The following NRG1 variants were observed in gnomAD, a reference collection of about 807,000 sequenced individuals.
NRG1 encodes the protein pro-neuregulin-1, membrane-bound isoform.
NRG1 carries 18 observed loss-of-function variants against 63.8 expected under a neutral mutation model. That is an observed-to-expected ratio of 0.28 (90% CI 0.19 to 0.42). The LOEUF is 0.42. Ranked by LOEUF, NRG1 falls within the 10% of genes least tolerant of loss-of-function variation. The probability of loss-of-function intolerance (pLI) is 1.00; values close to 1 mark genes in which losing one functional copy is unlikely to be tolerated. For synonymous variants in NRG1, 302 were observed against 301.3 expected, an observed-to-expected ratio of 1.00 and a Z score of -0.02; for missense variants, 762 against 814.7, an observed-to-expected ratio of 0.94 and a Z score of 0.79.
intron 1 of NRG1, among the ~76,000 whole-genome samples, chr8:32,499,147 C>T (rs1827564219): frequency 6.6e-6 from 1 of 152,174 alleles, no homozygotes; most frequent in African/African-American, 2.4e-5. Context: ...TCTCACTAAA[C>T]CAGGCTCCTA....
chr8:32,089,846 TTTCATTTTCATAATACTTTTTGAGAC>T (rs1439327791), intron 1 of NRG1, among the ~76,000 whole-genome samples: 2 of 152,216 alleles, frequency 1.3e-5, no homozygotes, highest in East Asian at 3.8e-4. Flanking sequence ...GCTTCACAGA[TTTCATTTTCATAATACTTTTTGAGAC>T]TAAAGGAAAT....
chr8:31,848,818 G>T (rs1432833317), intron 1 of NRG1, among the ~76,000 whole-genome samples: 1 of 152,112 alleles, frequency 6.6e-6, no homozygotes, highest in Non-Finnish European at 1.5e-5. Flanking sequence ...CAAGCTCAGG[G>T]CTCCCACTGA....
intron 1 of NRG1, among the ~76,000 whole-genome samples, chr8:31,964,766 T>G (rs989398310): frequency 1.3e-5 from 2 of 152,184 alleles, no homozygotes; most frequent in Non-Finnish European, 2.9e-5. Flanking sequence ...TTTTATTCCC[T>G]GCAAGCTACG....
At chr8:31,812,954 C>G (rs1483701041) in intron 1 of NRG1, among the ~76,000 whole-genome samples, 2 of 152,108 alleles carry the variant, frequency 1.3e-5, no homozygotes, top group African/African-American at 4.8e-5. Context: ...CTGAAGCTAC[C>G]TGGTGGAAAC....
chr8:31,776,329 C>T (rs1819132133), intron 1 of NRG1, among the ~76,000 whole-genome samples: 1 of 152,190 alleles, frequency 6.6e-6, no homozygotes, highest in African/African-American at 2.4e-5. Context: ...GAGATGGCTC[C>T]TTGGGTTTCT....
chr8:32,188,851 C>T (rs1842213815), intron 1 of NRG1, among the ~76,000 whole-genome samples: 1 of 151,782 alleles, frequency 6.6e-6, no homozygotes, highest in East Asian at 1.9e-4. Flanking sequence ...AGGAGATATA[C>T]CTAATGCTAA....
rs532286255 is a variant in NRG1 at position 31,680,724 on chromosome 8, C to T, written c.37+41293C>T. On this transcript the variant is annotated intron_variant, in intron 1 of 10. Coordinates refer to the NRG1 transcript ENST00000519301. Reference sequence around the variant, plus strand: ...CCCTGAGGAATCGCCACACTGACTTCCACAATGGTTGAACTACTTTACAGT... The same window carrying T: ...CCCTGAGGAATCGCCACACTGACTTTCACAATGGTTGAACTACTTTACAGT... Among the ~76,000 whole-genome samples, 7 of 152,034 alleles carry T rather than the reference C, an allele frequency of 4.6e-5. No individual in the cohort carries two copies. The South Asian group carries it at 1.2e-3, about 27-fold the overall frequency.
At chr8:32,547,590 A>AACACACACACAC (rs33943729), upstream of NRG1, among the ~76,000 whole-genome samples, 153 of 148,488 alleles carry the variant, frequency 1.0e-3, no homozygotes, top group African/African-American at 1.7e-3. Context: ...GCACTTACTA[A>AACACACACACAC]ACACACACAC....
Position 32,041,375 on chromosome 8 carries a change from A to AATAC in NRG1, c.37+401946_37+401949dup, listed in dbSNP as rs746561888. 3.3e-5 allele frequency among the ~76,000 whole-genome samples: 5 copies of AATAC among 152,336 alleles called. No individual in the cohort carries two copies. In the East Asian group the frequency reaches 9.6e-4, roughly 29 times the overall value. Reference sequence around the variant, plus strand: ...ATACTGTGCCCTGTCTGTCCTACTGAATACAACTATCAAACCTGGACAAAA... The same window carrying AATAC: ...ATACTGTGCCCTGTCTGTCCTACTGAATACATACAACTATCAAACCTGGACAAAA... On this transcript the variant is annotated intron_variant, in intron 1 of 10. Transcript: ENST00000519301.
At chr8:32,388,016 TCTAATG>T (rs1811236417) in intron 1 of NRG1, among the ~76,000 whole-genome samples, 1 of 152,192 alleles carries the variant, frequency 6.6e-6, no homozygotes, top group South Asian at 2.1e-4. Context: ...GGATGAGGAT[TCTAATG>T]CCCAGGTGAC....
At chr8:31,668,762 G>C (rs1485356222) in intron 1 of NRG1, among the ~76,000 whole-genome samples, 2 of 152,160 alleles carry the variant, frequency 1.3e-5, no homozygotes, top group Non-Finnish European at 2.9e-5. Flanking sequence ...ACAGTTCCTG[G>C]CATAATGTAC....
intron 1 of NRG1, among the ~76,000 whole-genome samples, chr8:32,402,563 G>C (rs1215785416): frequency 6.6e-6 from 1 of 152,038 alleles, no homozygotes; most frequent in East Asian, 1.9e-4. Flanking sequence ...CTATGCCTCC[G>C]ACCTGTTAGT....
chr8:32,696,921 C>A (rs189363974), intron 5 of NRG1, among the ~76,000 whole-genome samples: 1 of 152,256 alleles, frequency 6.6e-6, no homozygotes, highest in Non-Finnish European at 1.5e-5. Flanking sequence ...CTCGACTTCC[C>A]AAAGTGCTGG....
chr8:32,371,318 C>T (rs991590125), intron 1 of NRG1, among the ~76,000 whole-genome samples: 1 of 152,188 alleles, frequency 6.6e-6, no homozygotes, highest in Non-Finnish European at 1.5e-5. Context: ...CACAGAAACA[C>T]ATGACCATCG....
intron 1 of NRG1, among the ~76,000 whole-genome samples, chr8:32,585,585 G>A (rs909338051): frequency 5.9e-5 from 9 of 152,228 alleles, no homozygotes; most frequent in African/African-American, 2.2e-4. Flanking sequence ...AGTGAACACA[G>A]GAGTGAGATA....
chr8:32,195,438 C>CAAA lies in NRG1; in HGVS notation c.38-400376_38-400374dup, dbSNP rs34604354. On this transcript the variant is annotated intron_variant, in intron 1 of 10. Coordinates refer to the NRG1 transcript ENST00000519301. The stretch of plus-strand genomic sequence containing the variant: ...TAGGTGAAAGAGTGAGACCCTGTCT[C>CAAA]AAAAAAAAAAAAAAAATGTCCCTCT... 2.0e-3 allele frequency among the ~76,000 whole-genome samples: 280 copies of CAAA among 137,658 alleles called. 2 individuals are homozygous for CAAA. The highest frequency in any genetic ancestry group is 6.5e-3 in the East Asian group (29 of 4,486). 90.3% of individuals were successfully genotyped at this position (137,658 alleles called of 152,430 possible).
chr8:32,494,523 G>A (rs1826964612), intron 1 of NRG1, among the ~76,000 whole-genome samples: 1 of 151,812 alleles, frequency 6.6e-6, no homozygotes, highest in African/African-American at 2.4e-5. Flanking sequence ...CTCGGGGGAG[G>A]GGATCAAAGA....
At chr8:32,029,040 T>G (rs1476207262) in intron 1 of NRG1, among the ~76,000 whole-genome samples, 2 of 152,230 alleles carry the variant, frequency 1.3e-5, no homozygotes, top group Non-Finnish European at 2.9e-5. Context: ...ACAAGGTTTT[T>G]GTTAAAACCT....
intron 5 of NRG1, among the ~76,000 whole-genome samples, chr8:32,715,784 G>C (rs1274912841): frequency 6.6e-6 from 1 of 151,982 alleles, no homozygotes; most frequent in Non-Finnish European, 1.5e-5. Flanking sequence ...GTAGCCTCCT[G>C]AGGCGTGTGC....
Sources: allele counts gnomAD v4.1 joint callset (sites outside exome capture counted in the v4.1 genomes callset), GRCh38; gene constraint gnomAD v4.1.1; transcripts MANE v1.5; gene names NCBI Gene and HGNC (gene_info 2026-07-23, HGNC 2026-07-21).